Variants in ATG7 observed in about 807,000 individuals in gnomAD.
The protein encoded by ATG7 is autophagy related 7, also known as ubiquitin-like modifier-activating enzyme ATG7.
ATG7 carries 70 observed loss-of-function variants against 82.4 expected under a neutral mutation model. The ratio of observed to expected loss-of-function variants is 0.85; its 90% CI spans 0.70 to 1.04. The LOEUF is 1.04. ATG7 is among the 50% of genes least tolerant of loss of function. The pLI, the probability that ATG7 is intolerant of heterozygous loss-of-function variation, is 0.00. For synonymous variants in ATG7, 287 were observed against 313.0 expected, an observed-to-expected ratio of 0.92 and a Z score of 0.88; for missense variants, 792 against 864.3, an observed-to-expected ratio of 0.92 and a Z score of 1.05.
At chr3:11,375,106 T>C (rs1366348519) in intron 18 of ATG7, among the ~76,000 whole-genome samples, 2 of 151,248 alleles carry the variant, frequency 1.3e-5, no homozygotes, top group African/African-American at 4.9e-5. Context: ...TCCCAGCTAC[T>C]GGAGAGGCTG....
chr3:11,289,462 T>C (rs760493721), intron 3 of ATG7, among the ~76,000 whole-genome samples: 4 of 152,254 alleles, frequency 2.6e-5, no homozygotes, highest in Non-Finnish European at 4.4e-5. Context: ...TTAAGACTTT[T>C]CTGTTTTCAG....
chr3:11,300,473 A>G (rs1436410727), intron 5 of ATG7, among the ~76,000 whole-genome samples: 1 of 152,214 alleles, frequency 6.6e-6, no homozygotes, highest in Non-Finnish European at 1.5e-5. Context: ...TATCTTCTAC[A>G]GAAATAGAGA....
intron 19 of ATG7, among the ~76,000 whole-genome samples, chr3:11,423,346 A>G (rs1559591288): frequency 6.6e-6 from 1 of 152,200 alleles, no homozygotes; most frequent in Non-Finnish European, 1.5e-5. Flanking sequence ...CAGATATAAT[A>G]ATAATGAAAA....
intron 19 of ATG7, among the ~76,000 whole-genome samples, chr3:11,385,222 G>A (rs1388672454): frequency 1.3e-5 from 2 of 152,084 alleles, no homozygotes; most frequent in South Asian, 2.1e-4. Context: ...TAGAGACGGG[G>A]TTTCACCATG....
chr3:11,471,646 G>A (rs552018674), intron 20 of ATG7, among the ~76,000 whole-genome samples: 2 of 146,098 alleles, frequency 1.4e-5, no homozygotes, highest in Non-Finnish European at 3.0e-5. Context: ...AATGGTATAA[G>A]AAATGCAGGT....
chr3:11,446,682 C>T (rs1342598788), intron 20 of ATG7: 1 of 237,116 alleles, frequency 4.2e-6, no homozygotes, highest in African/African-American at 2.4e-5. Context: ...CTTTTGACTT[C>T]TTCCTGTAAG....
intron 19 of ATG7, among the ~76,000 whole-genome samples, chr3:11,404,328 G>A (rs145745107): frequency 5.7e-4 from 87 of 151,776 alleles, no homozygotes; most frequent in African/African-American, 1.9e-3. Flanking sequence ...TAGAGATGGC[G>A]TTTCACCATA....
At chr3:11,470,008 A>AG (rs1553684786) in intron 20 of ATG7, among the ~76,000 whole-genome samples, 4 of 141,094 alleles carry the variant, frequency 2.8e-5, no homozygotes, top group Non-Finnish European at 6.1e-5. Context: ...AAAAAAAAAA[A>AG]AGAGAGAGAG....
At position 11,340,755 on chromosome 3, in the gene ATG7, T is replaced by G. The variant is rs776445353; in HGVS notation, c.980+20T>G. On this transcript the variant is annotated intron_variant, in intron 12 of 20. Coordinates refer to ENST00000693202, the MANE Select transcript of ATG7 (RefSeq NM_001349232.2). ...TAAAAGGTATATTTGGGAAGCTGTT[T>G]TCTCCAGTCGGGCTTTTTGTAACCA... 9 of 1,607,558 alleles carry G rather than the reference T, an allele frequency of 5.6e-6. No homozygotes were observed. The highest frequency in any genetic ancestry group is 6.8e-6 in the Non-Finnish European group (8 of 1,175,194).
intron 20 of ATG7, among the ~76,000 whole-genome samples, chr3:11,455,154 G>A (rs1002542220): frequency 1.3e-5 from 2 of 152,140 alleles, no homozygotes; most frequent in African/African-American, 2.4e-5. Context: ...TTACATATGA[G>A]GAACTGGAAT....
intron 11 of ATG7, among the ~76,000 whole-genome samples, chr3:11,333,769 A>G (rs1469453332): frequency 7.1e-6 from 1 of 141,530 alleles, no homozygotes; most frequent in Non-Finnish European, 1.5e-5. Flanking sequence ...TTTTTTTGAG[A>G]TGGAGTCTCA....
In ATG7 at chr3:11,505,569, G is replaced by A. The variant is rs1264688833; in HGVS notation, c.2080-49242G>A. Among the ~76,000 whole-genome samples the A allele has an allele frequency of 4.6e-5, 7 of 152,188 alleles. No homozygotes were observed. In the South Asian group the frequency reaches 1.0e-3, roughly 22 times the overall value. On this transcript the variant is annotated intron_variant, in intron 20 of 20. Transcript: ENST00000693202. Reference sequence around the variant, plus strand: ...GCAGTAAAATTTGCTGAAAAGCAGCGTCCTTTACAAGTCCTTACCTCCGAC... The same window carrying A: ...GCAGTAAAATTTGCTGAAAAGCAGCATCCTTTACAAGTCCTTACCTCCGAC...
chr3:11,426,328 CT>C (rs1286293159), intron 19 of ATG7, among the ~76,000 whole-genome samples: 1 of 152,124 alleles, frequency 6.6e-6, no homozygotes, highest in South Asian at 2.1e-4. Flanking sequence ...TGGATATCCT[CT>C]TTTGTGAAGT....
chr3:11,511,399 A>G (rs986685994), intron 20 of ATG7, among the ~76,000 whole-genome samples: 1 of 152,226 alleles, frequency 6.6e-6, no homozygotes, highest in Non-Finnish European at 1.5e-5. Context: ...CAGAGCAGCT[A>G]GATACAGAGT....
At chr3:11,453,532 C>T (rs537248611) in intron 20 of ATG7, among the ~76,000 whole-genome samples, 1 of 152,274 alleles carries the variant, frequency 6.6e-6, no homozygotes, top group Non-Finnish European at 1.5e-5. Flanking sequence ...ATTTAAAAGA[C>T]CCTAAAGTGC....
At chr3:11,534,839 G>C (rs1285206878) in intron 20 of ATG7, among the ~76,000 whole-genome samples, 1 of 152,260 alleles carries the variant, frequency 6.6e-6, no homozygotes, top group African/African-American at 2.4e-5. Context: ...GGGAGGAGTA[G>C]CTCAGCTCAG....
intron 6 of ATG7, among the ~76,000 whole-genome samples, chr3:11,307,570 C>T (rs754030915): frequency 5.3e-5 from 8 of 152,234 alleles, no homozygotes; most frequent in Non-Finnish European, 1.2e-4. Flanking sequence ...CCTCTTTACT[C>T]TTGCCCTTGC....
intron 19 of ATG7, among the ~76,000 whole-genome samples, chr3:11,388,233 G>GT (rs2078465717): frequency 6.6e-6 from 1 of 152,056 alleles, no homozygotes; most frequent in African/African-American, 2.4e-5. Flanking sequence ...TTTACCACTA[G>GT]TTTTTGTGTC....
At chr3:11,394,462 G>A (rs2079053352) in intron 19 of ATG7, among the ~76,000 whole-genome samples, 1 of 152,216 alleles carries the variant, frequency 6.6e-6, no homozygotes, top group Admixed American at 6.5e-5. Flanking sequence ...GAGGAGCAAA[G>A]CCGTAGTATT....
Sources: gnomAD v4.1 joint callset for allele counts (sites outside exome capture counted in the v4.1 genomes callset) on GRCh38, gnomAD v4.1.1 for gene constraint, MANE v1.5 for transcripts, NCBI Gene and HGNC (gene_info 2026-07-23, HGNC 2026-07-21) for gene names.